Variants in FAM168A observed in about 807,000 individuals in gnomAD.
FAM168A encodes family with sequence similarity 168 member A.
Under a neutral mutation model 28.5 loss-of-function variants are expected in FAM168A, and 3 were observed. The observed-to-expected ratio is 0.11, with a 90% CI of 0.05 to 0.27. The LOEUF is 0.27. Among genes scored for constraint, FAM168A ranks in the 10% least tolerant of loss-of-function variants. The probability of loss-of-function intolerance (pLI) is 1.00; values close to 1 mark genes in which losing one functional copy is unlikely to be tolerated. For synonymous variants in FAM168A, 122 were observed against 124.2 expected, an observed-to-expected ratio of 0.98 and a Z score of 0.12; for missense variants, 222 against 311.5, an observed-to-expected ratio of 0.71 and a Z score of 2.16.
chr11:73,569,206 T>C (rs1476914105), intron 1 of FAM168A, among the ~76,000 whole-genome samples: 2 of 152,210 alleles, frequency 1.3e-5, no homozygotes, highest in African/African-American at 4.8e-5. Flanking sequence ...GCATAGGATA[T>C]AAAAATAAAC....
intron 2 of FAM168A, chr11:73,452,090 A>G (rs1867441676): frequency 6.6e-6 from 1 of 152,342 alleles, no homozygotes; most frequent in Non-Finnish European, 1.5e-5. Context: ...GGGTGTTGGA[A>G]GTCTGGGGAT....
In FAM168A at chr11:73,477,783, T is replaced by C. The variant is rs139931986; in HGVS notation, c.-18-9291A>G. 8.5e-5 allele frequency among the ~76,000 whole-genome samples: 13 copies of C among 152,232 alleles called. No homozygotes were observed. In the East Asian group the frequency reaches 2.5e-3, roughly 29 times the overall value. ...AATAAACACATTCCCAGATAAATAA[T>C]TGAGACAATTCATTGCTAGCAACCT... On this transcript the variant is annotated intron_variant, in intron 1 of 7. Transcript: ENST00000356467.
intron 2 of FAM168A, among the ~76,000 whole-genome samples, chr11:73,441,070 T>C (rs1202701749): frequency 6.6e-6 from 1 of 151,896 alleles, no homozygotes; most frequent in Non-Finnish European, 1.5e-5. Flanking sequence ...GACTTTTTTT[T>C]TTTTTTTGAG....
intron 1 of FAM168A, among the ~76,000 whole-genome samples, chr11:73,526,828 C>T (rs1943452164): frequency 6.9e-6 from 1 of 145,700 alleles, no homozygotes; most frequent in African/African-American, 2.6e-5. Flanking sequence ...GAAGATCTCT[C>T]CACTGCACTC....
intron 1 of FAM168A, among the ~76,000 whole-genome samples, chr11:73,529,051 G>A (rs111237272): frequency 2.8e-4 from 42 of 152,276 alleles, no homozygotes; most frequent in African/African-American, 9.9e-4. Context: ...CAAATCAGGT[G>A]TCTGAAGCTC....
At chr11:73,530,314 T>C (rs1943501424) in intron 1 of FAM168A, among the ~76,000 whole-genome samples, 1 of 151,880 alleles carries the variant, frequency 6.6e-6, no homozygotes, top group Non-Finnish European at 1.5e-5. Context: ...GCTGACTACA[T>C]TTCTCCTTTC....
chr11:73,463,006 T>C (rs1199453987), intron 2 of FAM168A, among the ~76,000 whole-genome samples: 1 of 151,952 alleles, frequency 6.6e-6, no homozygotes, highest in Admixed American at 6.6e-5. Flanking sequence ...TCTCACTCTG[T>C]TGCCCAGGCT....
rs978378117 is a variant in FAM168A, at chr11:73,534,413, T to A, written c.-19+63510A>T. Among the ~76,000 whole-genome samples the A allele has an allele frequency of 5.3e-5, 8 of 151,540 alleles. No individual in the cohort carries two copies. The East Asian group carries it at 5.8e-4, about 11-fold the overall frequency. On this transcript the variant is annotated intron_variant, in intron 1 of 7. Coordinates refer to ENST00000356467, the MANE Select transcript of FAM168A (RefSeq NM_015159.3). The stretch of plus-strand genomic sequence containing the variant: ...TTTTTATTTTTATTTATTTATTTTT[T>A]TTTTTTTGAGACGGAGTCTCACTCT...
In FAM168A at chr11:73,411,464, G is replaced by A; in HGVS notation, c.350C>T (p.Ser117Leu). 2.5e-6 allele frequency: 4 copies of A among 1,613,708 alleles called. No individual in the cohort carries two copies. The highest frequency in any genetic ancestry group is 3.4e-6 in the Non-Finnish European group (4 of 1,179,766). ...CATGGCCGTCTGATAGGGGTTGGGT[G>A]ATGGGGAGTAGGGGGGTGGAGCAGT... ...SNTAPPPYSP[S>L]PNPYQTAMYP... Residue 117 changes from serine to leucine, a missense_variant, in exon 5 of 8, where the codon TCA (serine) becomes TTA (leucine). Around this residue, in one of 3 missense-constraint regions of FAM168A, gnomAD observed 153 missense variants for 189.2 expected, o/e 0.81. Transcript: ENST00000356467.
chr11:73,459,429 T>C (rs1867602068), intron 2 of FAM168A, among the ~76,000 whole-genome samples: 1 of 146,020 alleles, frequency 6.8e-6, no homozygotes, highest in Admixed American at 7.0e-5. Context: ...GAGCTTGCAG[T>C]GAGCCGAGAT....
At chr11:73,582,972 G>A (rs900491247) in intron 1 of FAM168A, among the ~76,000 whole-genome samples, 2 of 152,132 alleles carry the variant, frequency 1.3e-5, no homozygotes, top group East Asian at 1.9e-4. Flanking sequence ...AACGGGCAGG[G>A]AGCAAGGGGC....
intron 1 of FAM168A, among the ~76,000 whole-genome samples, chr11:73,526,847 C>A (rs796606849): frequency 8.5e-5 from 10 of 118,086 alleles, no homozygotes; most frequent in Admixed American, 1.2e-4. Context: ...TCCAGCCTAG[C>A]GACAGAGCAA....
chr11:73,483,932 T>A (rs1868002826), intron 1 of FAM168A, among the ~76,000 whole-genome samples: 1 of 152,212 alleles, frequency 6.6e-6, no homozygotes, highest in African/African-American at 2.4e-5. Flanking sequence ...GAAGATTGTA[T>A]GGGGGAAGTA....
chr11:73,588,288 T>C (rs1944339522), intron 1 of FAM168A, among the ~76,000 whole-genome samples: 2 of 152,194 alleles, frequency 1.3e-5, no homozygotes, highest in South Asian at 4.1e-4. Flanking sequence ...TCAGTATTGG[T>C]TGCCTATGAT....
At chr11:73,594,600 C>T (rs376291180) in intron 1 of FAM168A, among the ~76,000 whole-genome samples, 1 of 152,040 alleles carries the variant, frequency 6.6e-6, no homozygotes, top group Non-Finnish European at 1.5e-5. Flanking sequence ...AGTGCAATGG[C>T]GCAATCGTGG....
chr11:73,515,508 CAAAAAAAAAA>C (rs61655633), intron 1 of FAM168A, among the ~76,000 whole-genome samples: 1 of 66,514 alleles, frequency 1.5e-5, no homozygotes, highest in Non-Finnish European at 3.8e-5. Context: ...AACTCTGTCT[CAAAAAAAAAA>C]AAAAAAAGAA....
intron 2 of FAM168A, 40 bp from the exon 3 acceptor site, chr11:73,430,810 AAAAACAAAACAAAAC>A (rs533303495): frequency 7.4e-6 from 11 of 1,484,016 alleles, no homozygotes; most frequent in Non-Finnish European, 1.0e-5. Context: ...GTTAGGCAAA[AAAAACAAAACAAAAC>A]AAAACAAAAC....
chr11:73,432,636 G>A lies in FAM168A; in HGVS notation c.71-1866C>T, dbSNP rs538494215. The stretch of plus-strand genomic sequence containing the variant: ...CATTTAAAAATACAATTATTTGGCC[G>A]GGCGCGGTGGCTCATGCCTGTAATC... On this transcript the variant is annotated intron_variant, in intron 2 of 7. Coordinates refer to ENST00000356467, the MANE Select transcript of FAM168A (RefSeq NM_015159.3). Among the ~76,000 whole-genome samples the A allele has an allele frequency of 1.7e-4, 26 of 152,050 alleles. No individual in the cohort carries two copies. In the South Asian group the frequency reaches 4.6e-3, roughly 27 times the overall value.
Position 73,406,381 on chromosome 11 carries a change from CA to C in FAM168A, c.*381del, listed in dbSNP as rs1381428838. On this transcript the variant is annotated 3_prime_UTR_variant, in exon 8 of 8. Transcript: ENST00000356467. Reference sequence around the variant, plus strand: ...CTGGACCACATCTGTTTATGCTCTTCAAATGGAATCCAGCCTTCAGATGAAC... The same window carrying C: ...CTGGACCACATCTGTTTATGCTCTTCAATGGAATCCAGCCTTCAGATGAAC... 2 of 152,178 alleles carry C rather than the reference CA, an allele frequency of 1.3e-5. No individual in the cohort carries two copies. Among genetic ancestry groups the C allele is most frequent in the African/African-American group, 4.8e-5 (2 of 41,420 alleles). 9.4% of individuals were successfully genotyped at this position (152,178 alleles called of 1,614,324 possible).
Sources: allele counts gnomAD v4.1 joint callset (sites outside exome capture counted in the v4.1 genomes callset), GRCh38; gene constraint gnomAD v4.1.1; regional missense constraint gnomAD v4.1.1; transcripts MANE v1.5; gene names NCBI Gene and HGNC (gene_info 2026-07-23, HGNC 2026-07-21).